Variants in SLC6A16 observed in about 807,000 individuals in gnomAD.
SLC6A16 encodes orphan sodium- and chloride-dependent neurotransmitter transporter NTT5.
A neutral mutation model predicts 65.4 loss-of-function variants in SLC6A16; 54 were observed. The observed-to-expected ratio is 0.83, with a 90% CI of 0.66 to 1.04. The LOEUF is 1.04. Ranked by LOEUF, SLC6A16 falls within the 50% of genes least tolerant of loss-of-function variation. The pLI, the probability that SLC6A16 is intolerant of heterozygous loss-of-function variation, is 0.00. For missense variants in SLC6A16, 816 were observed against 914.0 expected, an observed-to-expected ratio of 0.89 and a Z score of 1.38; for synonymous variants, 330 against 346.5, an observed-to-expected ratio of 0.95 and a Z score of 0.53.
chr19:49,314,723 C>T (rs1025729941), intron 1 of SLC6A16, among the ~76,000 whole-genome samples: 3 of 152,150 alleles, frequency 2.0e-5, no homozygotes, highest in Non-Finnish European at 4.4e-5. Flanking sequence ...AAGAGCACAA[C>T]ATCATTTCTG....
At chr19:49,331,400 T>C in the SLC6A16 span, among the ~76,000 whole-genome samples, 215 of 152,302 alleles carry the variant, frequency 1.4e-3, no homozygotes, top group African/African-American at 5.0e-3. Flanking sequence ...CAGGCTGGTC[T>C]CGAACTCCTG....
chr19:49,310,268 G>A, intron 3 of SLC6A16, 85 bp downstream of exon 3: 1 of 1,602,872 alleles, frequency 6.2e-7, no homozygotes, highest in Non-Finnish European at 8.5e-7. Context: ...GACCCATGGA[G>A]GTATTCACAG....
chr19:49,291,008 G>A (rs1300653560), intron 10 of SLC6A16, among the ~76,000 whole-genome samples: 1 of 152,052 alleles, frequency 6.6e-6, no homozygotes, highest in African/African-American at 2.4e-5. Flanking sequence ...ATGGCCTCAG[G>A]AGAAAGGCCA....
chr19:49,340,124 TC>T, the SLC6A16 span: 2,171 of 1,533,700 alleles, frequency 1.4e-3, 2 homozygotes, highest in Non-Finnish European at 1.8e-3. Context: ...TTTCTACCTA[TC>T]CCCTTCTCCA....
At chr19:49,323,322 T>C (rs1439594480) in intron 1 of SLC6A16, among the ~76,000 whole-genome samples, 1 of 152,134 alleles carries the variant, frequency 6.6e-6, no homozygotes, top group Non-Finnish European at 1.5e-5. Context: ...TTCTTGGATA[T>C]GATACCAAAG....
chr19:49,339,779 G>A, the SLC6A16 span: 1 of 1,365,260 alleles, frequency 7.3e-7, no homozygotes, highest in Non-Finnish European at 9.4e-7. The surrounding 1 kb of genome is among the most constrained non-coding windows in gnomAD (Gnocchi z 4.5). Context: ...GACGGCGGCG[G>A]CGGGCACAGC....
At chr19:49,340,164 C>T in the SLC6A16 span, 1 of 1,511,098 alleles carries the variant, frequency 6.6e-7, no homozygotes, top group Non-Finnish European at 9.1e-7. Flanking sequence ...CACGGCCCCA[C>T]CCCTGACCTT....
chr19:49,337,028 G>A, the SLC6A16 span: 1 of 1,613,316 alleles, frequency 6.2e-7, no homozygotes, highest in Non-Finnish European at 8.5e-7. Context: ...CTGCCTCCTG[G>A]GCCTGGTGAG....
rs770033679 is a variant in SLC6A16 at position 49,294,391 on chromosome 19, G to A, written c.1392C>T (p.Cys464=). The A allele has an allele frequency of 1.9e-6, 3 of 1,614,026 alleles. No homozygotes were observed. The South Asian group carries it at 3.3e-5, about 18-fold the overall frequency. Reference sequence around the variant, plus strand: ...CCTTAAGAAACTGAGTCTCTATGTTGCACTCAGTCACCTCGCGGAGAACCA... The same window carrying A: ...CCTTAAGAAACTGAGTCTCTATGTTACACTCAGTCACCTCGCGGAGAACCA... ...KSMVLREVTE[C]NIETQFLKAS... The change falls in exon 8 of 12, where the codon TGC becomes TGT. Residue 464 remains cysteine, a synonymous_variant. Coordinates refer to ENST00000335875, the MANE Select transcript of SLC6A16 (RefSeq NM_014037.3).
intron 10 of SLC6A16, among the ~76,000 whole-genome samples, chr19:49,291,107 C>T (rs1240893228): frequency 6.6e-6 from 1 of 152,142 alleles, no homozygotes; most frequent in Non-Finnish European, 1.5e-5. Flanking sequence ...GTGAACAACA[C>T]AGATAAAATA....
chr19:49,312,765 A>C (rs1205343869), intron 1 of SLC6A16, among the ~76,000 whole-genome samples: 2 of 152,188 alleles, frequency 1.3e-5, no homozygotes, highest in Non-Finnish European at 2.9e-5. Flanking sequence ...ACTGCTTGTG[A>C]GACACAGCTT....
the SLC6A16 span, chr19:49,338,846 G>C: frequency 1.2e-6 from 2 of 1,614,138 alleles, no homozygotes; most frequent in Non-Finnish European, 1.7e-6. This position sits in a 1 kb window ranked among gnomAD's most constrained non-coding sequence, Gnocchi z 5.0. Context: ...AGGTGATCTT[G>C]CCCCAGCTCA....
At chr19:49,290,497 A>G (rs1600600870) in intron 11 of SLC6A16, 105 bp from the exon 12 acceptor site, 1 of 1,554,190 alleles carries the variant, frequency 6.4e-7, no homozygotes, top group East Asian at 2.3e-5. Context: ...AAAACCCATG[A>G]GTCTTCGGGC....
At chr19:49,304,554 T>A (rs572170264) in intron 7 of SLC6A16, among the ~76,000 whole-genome samples, 1 of 151,964 alleles carries the variant, frequency 6.6e-6, no homozygotes, top group South Asian at 2.1e-4. Flanking sequence ...TCACCTGAGG[T>A]CGAAAGTTCG....
the SLC6A16 span, among the ~76,000 whole-genome samples, chr19:49,333,577 G>A: frequency 6.6e-6 from 1 of 152,182 alleles, no homozygotes; most frequent in Non-Finnish European, 1.5e-5. Flanking sequence ...CCCCTCTGGG[G>A]CTATGTGGGG....
chr19:49,339,876 G>A, the SLC6A16 span: 11 of 1,342,684 alleles, frequency 8.2e-6, no homozygotes, highest in Non-Finnish European at 1.1e-5. This position sits in a 1 kb window ranked among gnomAD's most constrained non-coding sequence, Gnocchi z 4.5. Context: ...CCATGGCCCT[G>A]GGGCTCTGGC....
the SLC6A16 span, chr19:49,338,763 G>C: frequency 6.2e-7 from 1 of 1,613,506 alleles, no homozygotes; most frequent in East Asian, 2.2e-5. The surrounding 1 kb of genome is among the most constrained non-coding windows in gnomAD (Gnocchi z 5.0). Context: ...GAGAGGTAAC[G>C]GGTCGGAGGC....
At chr19:49,338,141 C>A in the SLC6A16 span, 2 of 1,480,644 alleles carry the variant, frequency 1.4e-6, no homozygotes, top group Non-Finnish European at 1.8e-6. This position sits in a 1 kb window ranked among gnomAD's most constrained non-coding sequence, Gnocchi z 5.0. Context: ...CCTAACACAC[C>A]CCAATCCCTC....
At chr19:49,336,809 C>T in the SLC6A16 span, 1 of 1,323,264 alleles carries the variant, frequency 7.6e-7, no homozygotes, top group African/African-American at 1.5e-5. Context: ...GAGAGGGGCA[C>T]CAAGATACTG....
Sources: allele counts gnomAD v4.1 joint callset (sites outside exome capture counted in the v4.1 genomes callset), GRCh38; gene constraint gnomAD v4.1.1; non-coding constraint Gnocchi (gnomAD v3.1); transcripts MANE v1.5; gene names NCBI Gene and HGNC (gene_info 2026-07-23, HGNC 2026-07-21).